The following TBC1D8B variants were observed in gnomAD, a reference collection of about 807,000 sequenced individuals.
The protein encoded by TBC1D8B is RP11-321G1.1.
In TBC1D8B, 75 loss-of-function variants were observed where a neutral mutation model predicts 82.9. That is an observed-to-expected ratio of 0.90 (90% CI 0.75 to 1.10). The LOEUF (loss-of-function observed/expected upper bound fraction) is 1.10. Among genes scored for constraint, TBC1D8B ranks in the 50% least tolerant of loss-of-function variants. TBC1D8B has a pLI of 0.00. For synonymous variants in TBC1D8B, 276 were observed against 276.8 expected (o/e 1.00, Z 0.03); for missense variants, 794 against 796.9 (o/e 1.00, Z 0.04).
Position 106,868,368 on chromosome X carries a change from A to T in TBC1D8B, c.2729-25A>T, listed in dbSNP as rs765272911. 3.1e-6 allele frequency: 3 copies of T among 959,865 alleles called. No homozygotes were observed. The South Asian group carries it at 1.4e-4, about 46-fold the overall frequency. 79.1% of individuals were successfully genotyped at this position (959,865 alleles called of 1,213,427 possible). On this transcript the variant is annotated intron_variant, in intron 17 of 20. Transcript: ENST00000357242. The stretch of plus-strand genomic sequence containing the variant: ...CTGCCCCTGGTTGTTAATAAATGTA[A>T]TTTGGGTTATTTATATGTTTTCAGC...
At chrX:106,853,995 T>C (rs1932646229) in intron 13 of TBC1D8B, among the ~76,000 whole-genome samples, 2 of 111,773 alleles carry the variant, frequency 1.8e-5, no homozygotes, top group Non-Finnish European at 3.8e-5. Flanking sequence ...TCTATTCACA[T>C]AGTAGATGGA....
intron 7 of TBC1D8B, chrX:106,829,250 C>T (rs933828963): frequency 2.8e-5 from 3 of 107,772 alleles, no homozygotes; most frequent in African/African-American, 1.1e-4. Context: ...TGTGAAGGAC[C>T]TCTTCAAGGA....
In TBC1D8B at chrX:106,873,968, C is replaced by T; in HGVS notation, c.*3C>T. 1 of 1,171,295 alleles carries T rather than the reference C, an allele frequency of 8.5e-7. No homozygotes were observed. Among genetic ancestry groups the T allele is most frequent in the Non-Finnish European group, 1.1e-6 (1 of 877,318 alleles). On this transcript the variant is annotated 3_prime_UTR_variant, in exon 21 of 21. Coordinates refer to ENST00000357242, the MANE Select transcript of TBC1D8B (RefSeq NM_017752.3). ...TAAGGTCTAGAACCAAGATGTAAATCCCTAGGAATTGCCTATCATAGACAA... is the reference window on the plus strand; with the variant it reads ...TAAGGTCTAGAACCAAGATGTAAATTCCTAGGAATTGCCTATCATAGACAA...
intron 1 of TBC1D8B, among the ~76,000 whole-genome samples, chrX:106,805,042 G>GCAT (rs1235117167): frequency 8.3e-5 from 8 of 96,816 alleles, no homozygotes; most frequent in Non-Finnish European, 1.7e-4. Context: ...ATGTAGTATT[G>GCAT]CATGTTTTTT....
In TBC1D8B at chrX:106,854,308, A is replaced by G. The variant is rs1351286934; in HGVS notation, c.2352+12A>G. ...CAAAACAGAATGTGGTAAGTATGCA[A>G]CCAATGAGGAAAAACCAGTTGGAGT... is the stretch of plus-strand genomic sequence containing the variant. On this transcript the variant is annotated intron_variant, in intron 14 of 20. Coordinates refer to ENST00000357242, the MANE Select transcript of TBC1D8B (RefSeq NM_017752.3). 1.3e-5 allele frequency: 14 copies of G among 1,091,638 alleles called. No homozygotes were observed. Among genetic ancestry groups the G allele is most frequent in the Non-Finnish European group, 1.7e-5 (14 of 818,270 alleles). 90.0% of individuals were successfully genotyped at this position (1,091,638 alleles called of 1,213,427 possible).
chrX:106,805,526 T>C (rs1490971242), intron 1 of TBC1D8B, among the ~76,000 whole-genome samples: 1 of 112,102 alleles, frequency 8.9e-6, no homozygotes, highest in Admixed American at 9.5e-5. Context: ...ACCACATATA[T>C]ATGTTGTGAC....
chrX:106,856,209 T>C (rs781395031), intron 14 of TBC1D8B, among the ~76,000 whole-genome samples: 2 of 111,980 alleles, frequency 1.8e-5, no homozygotes, highest in Non-Finnish European at 3.8e-5. Context: ...TAAGTATTGA[T>C]TTGTAGAAGC....
At chrX:106,820,138 C>T (rs1931656863) in intron 2 of TBC1D8B, among the ~76,000 whole-genome samples, 1 of 110,749 alleles carries the variant, frequency 9.0e-6, no homozygotes. Flanking sequence ...TTTATATAAT[C>T]CATAGTGCTG....
Position 106,865,787 on chromosome X carries a change from T to C in TBC1D8B, c.2422-6T>C. ...GTAACTTTCCTTTTTTATTTATTTT[T>C]AATAGAAAGAGCTGTTTTTATCTTG... On this transcript the variant is annotated splice_region_variant and splice_polypyrimidine_tract_variant and intron_variant, in intron 15 of 20. Coordinates refer to ENST00000357242, the MANE Select transcript of TBC1D8B (RefSeq NM_017752.3). The C allele has an allele frequency of 8.5e-7, 1 of 1,173,122 alleles. No individual in the cohort carries two copies. The highest frequency in any genetic ancestry group is 1.1e-6 in the Non-Finnish European group (1 of 880,054).
intron 7 of TBC1D8B, among the ~76,000 whole-genome samples, chrX:106,833,833 G>A (rs2147745466): frequency 9.0e-6 from 1 of 110,791 alleles, no homozygotes; most frequent in African/African-American, 3.3e-5. Flanking sequence ...TAAATTAAAG[G>A]AATGTGCTGT....
Position 106,823,294 on chromosome X carries a change from A to C in TBC1D8B, c.655A>C (p.Ser219Arg). ...EKTSNVILTE[S>R]IHVCSQGENH... Reference sequence around the variant, plus strand: ...GACTTCAAATGTCATACTGACAGAGAGTATTCACGTGTGTTCCCAAGGAGA... The same window carrying C: ...GACTTCAAATGTCATACTGACAGAGCGTATTCACGTGTGTTCCCAAGGAGA... The change falls in exon 5 of 21, where the codon AGT (serine) becomes CGT (arginine). Residue 219 changes from serine (S) to arginine (R), a missense_variant. By Grantham distance (110) the Ser-to-Arg change is moderately radical (BLOSUM62 -1). Coordinates refer to ENST00000357242, the MANE Select transcript of TBC1D8B (RefSeq NM_017752.3). 1 of 1,209,956 alleles carries C rather than the reference A, an allele frequency of 8.3e-7. No individual in the cohort carries two copies. Among genetic ancestry groups the C allele is most frequent in the Non-Finnish European group, 1.1e-6 (1 of 894,191 alleles).
At chrX:106,857,289 A>C (rs1052159060) in intron 14 of TBC1D8B, among the ~76,000 whole-genome samples, 1 of 110,000 alleles carries the variant, frequency 9.1e-6, no homozygotes, top group Non-Finnish European at 1.9e-5. Context: ...AGTAGCTGGG[A>C]TTACAGGTGC....
At chrX:106,841,775 T>C (rs1458165487) in intron 10 of TBC1D8B, among the ~76,000 whole-genome samples, 2 of 112,023 alleles carry the variant, frequency 1.8e-5, no homozygotes, top group Non-Finnish European at 3.8e-5. Flanking sequence ...CAGCAGACTG[T>C]CATTTTCAAA....
chrX:106,814,234 C>T (rs1172832757), intron 1 of TBC1D8B: 1 of 110,949 alleles, frequency 9.0e-6, no homozygotes, highest in East Asian at 2.8e-4. Flanking sequence ...ATATGTGCCA[C>T]ATTTTCTTAA....
Position 106,817,350 on chromosome X carries a change from A to G in TBC1D8B, c.131-1313A>G, listed in dbSNP as rs145915516. Among the ~76,000 whole-genome samples the G allele has an allele frequency of 7.9e-3, 883 of 111,151 alleles. 11 individuals carry two copies. Among genetic ancestry groups the G allele is most frequent in the African/African-American group, 0.027 (822 of 30,671 alleles). On this transcript the variant is annotated intron_variant, in intron 1 of 20. Coordinates refer to ENST00000357242, the MANE Select transcript of TBC1D8B (RefSeq NM_017752.3). ...TATAATAACCAGCCTAATATATGCTAGGTTGTGTAGTACAGGTTAAACATC... is the reference window on the plus strand; with the variant it reads ...TATAATAACCAGCCTAATATATGCTGGGTTGTGTAGTACAGGTTAAACATC...
intron 1 of TBC1D8B, among the ~76,000 whole-genome samples, chrX:106,807,898 C>G (rs1159559621): frequency 9.1e-6 from 1 of 110,477 alleles, no homozygotes; most frequent in Non-Finnish European, 1.9e-5. Flanking sequence ...ACTAAAAATA[C>G]AAAAATTAGC....
intron 4 of TBC1D8B, 79 bp from the exon 5 acceptor site, chrX:106,823,147 A>T: frequency 9.8e-7 from 1 of 1,016,869 alleles, no homozygotes; most frequent in Non-Finnish European, 1.3e-6. Flanking sequence ...GGGATTAACT[A>T]TTGTTTCAGA....
chrX:106,823,162 C>A, intron 4 of TBC1D8B, 64 bp from the exon 5 acceptor site: 2 of 1,067,150 alleles, frequency 1.9e-6, no homozygotes, highest in Admixed American at 2.7e-5. Context: ...TTCAGAAGAA[C>A]TGATTAATAA....
Position 106,862,221 on chromosome X carries a change from G to C in TBC1D8B, c.2353-3338G>C, listed in dbSNP as rs921589638. Among the ~76,000 whole-genome samples the C allele has an allele frequency of 2.7e-5, 3 of 111,287 alleles. No individual in the cohort carries two copies. In the Admixed American group the frequency reaches 2.9e-4, roughly 11 times the overall value. On this transcript the variant is annotated intron_variant, in intron 14 of 20. Transcript: ENST00000357242. ...AGAATCTGATGACTGTGTGGCTTGG[G>C]GATGGTAATCTTATATAGTATCTTG...
Sources: gnomAD v4.1 joint callset for allele counts (sites outside exome capture counted in the v4.1 genomes callset) on GRCh38, gnomAD v4.1.1 for gene constraint, MANE v1.5 for transcripts, NCBI Gene and HGNC (gene_info 2026-07-23, HGNC 2026-07-21) for gene names.